The following PDE11A variants were observed in gnomAD, a reference collection of about 807,000 sequenced individuals.
PDE11A encodes the protein phosphodiesterase 11A.
A neutral mutation model predicts 100.5 loss-of-function variants in PDE11A; 100 were observed. The observed-to-expected ratio is 1.00, with a 90% CI of 0.85 to 1.18. The LOEUF is 1.18. Among genes scored for constraint, PDE11A ranks in the 50% most tolerant of loss-of-function variants. The probability of loss-of-function intolerance (pLI) is 0.00; values close to 1 mark genes in which losing one functional copy is unlikely to be tolerated. For missense variants in PDE11A, 1,141 were observed against 1,152.6 expected (o/e 0.99, Z 0.15); for synonymous variants, 381 against 420.8 (o/e 0.91, Z 1.16).
intron 14 of PDE11A, among the ~76,000 whole-genome samples, 185 bp downstream of exon 14, chr2:177,700,936 A>C (rs963085040): frequency 2.6e-5 from 4 of 152,036 alleles, no homozygotes; most frequent in Non-Finnish European, 5.9e-5. Context: ...GCTCAGGAAG[A>C]CTCTGCAAGG....
rs150561447 is a variant in PDE11A, at chr2:177,939,484, G to A, written c.1072-34297C>T. Among the ~76,000 whole-genome samples, 430 of 123,596 alleles carry A rather than the reference G, an allele frequency of 3.5e-3. 4 individuals are homozygous for A. The highest frequency in any genetic ancestry group is 0.013 in the African/African-American group (404 of 32,284). The allele number at this position is 123,596 out of a possible 152,430, so 81.1% of individuals were successfully genotyped here. ...AGGGAGAGAGGAAGGAAGAAAGAAG[G>A]GAGAGAGGGAGGAGGGAAGGAGGGA... On this transcript the variant is annotated intron_variant, in intron 2 of 19. Coordinates refer to ENST00000286063, the MANE Select transcript of PDE11A (RefSeq NM_016953.4).
intron 1 of PDE11A, among the ~76,000 whole-genome samples, chr2:178,069,349 T>C (rs1390629567): frequency 6.6e-6 from 1 of 152,074 alleles, no homozygotes; most frequent in Non-Finnish European, 1.5e-5. Flanking sequence ...AAAGTAGCTT[T>C]ATCAAAGAAG....
At chr2:177,715,488 A>G (rs573213902) in intron 12 of PDE11A, among the ~76,000 whole-genome samples, 1 of 151,236 alleles carries the variant, frequency 6.6e-6, no homozygotes, top group East Asian at 1.9e-4. Context: ...TTTTAAAATA[A>G]TTTTCTCTTC....
At chr2:178,101,932 A>G (rs2087563649) in intron 2 of PDE11A, among the ~76,000 whole-genome samples, 1 of 152,066 alleles carries the variant, frequency 6.6e-6, no homozygotes, top group Non-Finnish European at 1.5e-5. Flanking sequence ...GTACTTTATC[A>G]ATTATGTATT....
chr2:177,700,691 T>A (rs1256590782), intron 14 of PDE11A, among the ~76,000 whole-genome samples: 1 of 152,250 alleles, frequency 6.6e-6, no homozygotes, highest in Non-Finnish European at 1.5e-5. Flanking sequence ...TCAATTGTGC[T>A]AATGAAGTGT....
intron 4 of PDE11A, among the ~76,000 whole-genome samples, chr2:177,894,028 C>T (rs2084572039): frequency 6.6e-6 from 1 of 151,968 alleles, no homozygotes; most frequent in African/African-American, 2.4e-5. Context: ...GGCAGATGAC[C>T]AAAAATGTAC....
At chr2:178,066,672 C>T (rs1310785376) in intron 1 of PDE11A, among the ~76,000 whole-genome samples, 3 of 152,120 alleles carry the variant, frequency 2.0e-5, no homozygotes, top group East Asian at 1.9e-4. Context: ...AGGGAGGGTA[C>T]GGAGAAGGGC....
At chr2:178,088,129 A>C (rs1381973981) in intron 2 of PDE11A, among the ~76,000 whole-genome samples, 1 of 151,994 alleles carries the variant, frequency 6.6e-6, no homozygotes, top group Admixed American at 6.5e-5. Context: ...ATGTGTTTAC[A>C]TGAAGCCCCA....
Position 178,072,039 on chromosome 2 carries a change from C to A in PDE11A, c.399G>T (p.Val133=). The part of the protein sequence containing the change: ...KSFARSKAIH[V]NRTYDEQVTS... Reference sequence around the variant, plus strand: ...TCACCTGTTCATCGTAGGTCCTGTTCACGTGGATGGCCTTGGAGCGGGCAA... The same window carrying A: ...TCACCTGTTCATCGTAGGTCCTGTTAACGTGGATGGCCTTGGAGCGGGCAA... Residue 133 remains valine (V), a synonymous_variant, in exon 1 of 20, where the codon GTG becomes GTT. Coordinates refer to ENST00000286063, the MANE Select transcript of PDE11A (RefSeq NM_016953.4). The A allele has an allele frequency of 6.2e-7, 1 of 1,613,924 alleles. No homozygotes were observed. The highest frequency in any genetic ancestry group is 8.5e-7 in the Non-Finnish European group (1 of 1,179,820).
chr2:177,820,289 G>T lies in PDE11A; in HGVS notation c.1507C>A (p.Gln503Lys). ...GATCTTATGTGAAAACCAGATATCT[G>T]GTCTGCCTAGGAAACAAGAAAGAAG... is the stretch of plus-strand genomic sequence containing the variant. ...QDPRFDAEAD[Q>K]ISGFHIRSVL... Residue 503 changes from glutamine to lysine, a missense_variant, in exon 7 of 20, where the codon CAG (glutamine) becomes AAG (lysine). Transcript: ENST00000286063. The T allele has an allele frequency of 6.4e-7, 1 of 1,560,518 alleles. No homozygotes were observed. Among genetic ancestry groups the T allele is most frequent in the Non-Finnish European group, 8.8e-7 (1 of 1,131,946 alleles).
intron 2 of PDE11A, among the ~76,000 whole-genome samples, chr2:177,945,553 G>T (rs532867743): frequency 1.3e-5 from 2 of 149,566 alleles, no homozygotes; most frequent in Non-Finnish European, 3.0e-5. Flanking sequence ...CAGCCGCCCC[G>T]TCTGAGAAGT....
At chr2:177,766,264 G>C (rs2082237333) in intron 10 of PDE11A, among the ~76,000 whole-genome samples, 1 of 152,148 alleles carries the variant, frequency 6.6e-6, no homozygotes, top group Non-Finnish European at 1.5e-5. Context: ...GTTCACAATA[G>C]GGTTTGCACT....
intron 9 of PDE11A, among the ~76,000 whole-genome samples, chr2:177,796,896 C>G (rs541098712): frequency 9.2e-5 from 14 of 152,190 alleles, no homozygotes; most frequent in Admixed American, 2.0e-4. Context: ...GCTGCTGGAG[C>G]CCAACAGAGA....
chr2:177,955,781 A>C (rs2085553948), intron 2 of PDE11A, among the ~76,000 whole-genome samples: 1 of 152,222 alleles, frequency 6.6e-6, no homozygotes, highest in African/African-American at 2.4e-5. Context: ...CTGATCTTTG[A>C]CAAACCTGAG....
At chr2:177,649,597 G>C (rs1184521150) in intron 19 of PDE11A, among the ~76,000 whole-genome samples, 1 of 152,150 alleles carries the variant, frequency 6.6e-6, no homozygotes, top group Non-Finnish European at 1.5e-5. Flanking sequence ...TGTGAGCATA[G>C]TATATATAGA....
chr2:177,939,458 GAGGGAGAGAGGAAGGAAGAAAGA>G (rs2085318043), intron 2 of PDE11A, among the ~76,000 whole-genome samples: 1 of 136,868 alleles, frequency 7.3e-6, no homozygotes, highest in Non-Finnish European at 1.6e-5. Context: ...AGGAAGGAGG[GAGGGAGAGAGGAAGGAAGAAAGA>G]AGGGAGAGAG....
chr2:177,806,803 A>T (rs942880976), intron 9 of PDE11A, among the ~76,000 whole-genome samples: 1 of 152,114 alleles, frequency 6.6e-6, no homozygotes, highest in African/African-American at 2.4e-5. Flanking sequence ...AGAAAAATTT[A>T]TAGAAGAAAA....
rs145464798 is a variant in PDE11A, at chr2:177,957,271, G to T, written c.1072-52084C>A. 7.8e-4 allele frequency among the ~76,000 whole-genome samples: 119 copies of T among 152,182 alleles called. 1 individual carries two copies. Among genetic ancestry groups the T allele is most frequent in the African/African-American group, 2.7e-3 (113 of 41,522 alleles). On this transcript the variant is annotated intron_variant, in intron 2 of 19. Coordinates refer to ENST00000286063, the MANE Select transcript of PDE11A (RefSeq NM_016953.4). ...ATGCTATTTTTTCCCAACAAAAAAG[G>T]ATAAAGAAGATGGCAAACTTAATTC...
chr2:177,748,778 C>G (rs998309610), intron 10 of PDE11A, among the ~76,000 whole-genome samples: 1 of 152,034 alleles, frequency 6.6e-6, no homozygotes, highest in Non-Finnish European at 1.5e-5. Context: ...CTGATCGGAC[C>G]ATAAATCCTG....
Sources: gnomAD v4.1 joint callset for allele counts (sites outside exome capture counted in the v4.1 genomes callset) on GRCh38, gnomAD v4.1.1 for gene constraint, MANE v1.5 for transcripts, NCBI Gene and HGNC (gene_info 2026-07-23, HGNC 2026-07-21) for gene names.